Variants in PLEKHO2 observed in about 807,000 individuals in gnomAD.
PLEKHO2 encodes pleckstrin homology domain-containing family O member 2.
In PLEKHO2, 20 loss-of-function variants were observed where a neutral mutation model predicts 32.7. The observed-to-expected ratio is 0.61, with a 90% CI of 0.43 to 0.89. The LOEUF is 0.89. Ranked by LOEUF, PLEKHO2 falls within the 40% of genes least tolerant of loss-of-function variation. The probability of loss-of-function intolerance (pLI) is 0.00; values close to 1 mark genes in which losing one functional copy is unlikely to be tolerated. For synonymous variants in PLEKHO2, 247 were observed against 246.3 expected, an observed-to-expected ratio of 1.00 and a Z score of -0.03; for missense variants, 568 against 621.2, an observed-to-expected ratio of 0.91 and a Z score of 0.91.
At chr15:64,857,324 A>C (rs966025529) in intron 3 of PLEKHO2, among the ~76,000 whole-genome samples, 7 of 151,922 alleles carry the variant, frequency 4.6e-5, no homozygotes, top group South Asian at 2.1e-4. Context: ...TTTTGGGGAG[A>C]GGCACAGCTT....
intron 5 of PLEKHO2, among the ~76,000 whole-genome samples, chr15:64,862,939 CTTT>C (rs34879327): frequency 3.3e-5 from 4 of 120,096 alleles, no homozygotes; most frequent in South Asian, 2.9e-4. Context: ...CCCCCCACCT[CTTT>C]TTTTTTTTTT....
At position 64,866,569 on chromosome 15, in the gene PLEKHO2, T is replaced by G; in HGVS notation, c.*681T>G. On this transcript the variant is annotated 3_prime_UTR_variant, in exon 6 of 6. Transcript: ENST00000323544. Reference sequence around the variant, plus strand: ...AAACAAGGACATTTTCTGCAGCCCCTTCCTCTCAGTGAGCTATGATTGGAG... The same window carrying G: ...AAACAAGGACATTTTCTGCAGCCCCGTCCTCTCAGTGAGCTATGATTGGAG... 5.6e-6 allele frequency: 2 copies of G among 356,304 alleles called. No homozygotes were observed. Among genetic ancestry groups the G allele is most frequent in the Admixed American group, 7.2e-5 (2 of 27,808 alleles). 22.1% of individuals were successfully genotyped at this position (356,304 alleles called of 1,614,324 possible). A position where few individuals can be genotyped will look rare whatever the true frequency, so the allele number is the denominator to read the frequency against.
chr15:64,846,083 T>C (rs183268926), intron 1 of PLEKHO2, among the ~76,000 whole-genome samples: 1 of 152,266 alleles, frequency 6.6e-6, no homozygotes, highest in African/African-American at 2.4e-5. Context: ...GGGTTTCCCA[T>C]TTCCCTGTTC....
At chr15:64,858,395 C>A (rs950351012) in intron 3 of PLEKHO2, among the ~76,000 whole-genome samples, 1 of 152,098 alleles carries the variant, frequency 6.6e-6, no homozygotes, top group African/African-American at 2.4e-5. Flanking sequence ...CTATCTAACA[C>A]CAGGGTGGAG....
rs2084690169 is a variant in PLEKHO2 at position 64,866,592 on chromosome 15, G to A, written c.*704G>A. ...CCTTCCTCTCAGTGAGCTATGATTG[G>A]AGGGCTTAGGTCTGGAGGATTCAAG... On this transcript the variant is annotated 3_prime_UTR_variant, in exon 6 of 6. Coordinates refer to ENST00000323544, the MANE Select transcript of PLEKHO2 (RefSeq NM_025201.5). The A allele has an allele frequency of 2.8e-6, 1 of 351,956 alleles. No homozygotes were observed. The highest frequency in any genetic ancestry group is 5.6e-6 in the Non-Finnish European group (1 of 177,790). 21.8% of individuals were successfully genotyped at this position (351,956 alleles called of 1,614,324 possible).
chr15:64,845,867 TGGGTGG>T lies in PLEKHO2; in HGVS notation c.13-2724_13-2719del, dbSNP rs965757370. Among the ~76,000 whole-genome samples the T allele has an allele frequency of 9.9e-5, 15 of 152,230 alleles. 1 individual carries two copies. The highest frequency in any genetic ancestry group is 3.6e-4 in the African/African-American group (15 of 41,522). ...AGGGGTGTGAGATCCCTTGGGGTGG[TGGGTGG>T]GTCCCCTGAAAGCAAGAGGCGAGCT... On this transcript the variant is annotated intron_variant, in intron 1 of 5. Coordinates refer to ENST00000323544, the MANE Select transcript of PLEKHO2 (RefSeq NM_025201.5).
rs1325453029 is a variant in PLEKHO2, at chr15:64,860,014, T to C, written c.384+16T>C. 6 of 1,605,094 alleles carry C rather than the reference T, an allele frequency of 3.7e-6. No individual in the cohort carries two copies. Among genetic ancestry groups the C allele is most frequent in the East Asian group, 2.2e-5 (1 of 44,830 alleles). ...TTTCGATGAGGTGCGATGCAGTCTG[T>C]GGACATGGACAGCTCTGTGTCTCCT... On this transcript the variant is annotated intron_variant, in intron 4 of 5. Transcript: ENST00000323544.
Position 64,864,895 on chromosome 15 carries a change from C to T in PLEKHO2, c.484-4C>T. Reference sequence around the variant, plus strand: ...TGACACCCATATACCATCCCCCCCACCAGGTGGCCAGTGCAGCTTCTGACG... The same window carrying T: ...TGACACCCATATACCATCCCCCCCATCAGGTGGCCAGTGCAGCTTCTGACG... On this transcript the variant is annotated splice_polypyrimidine_tract_variant and splice_region_variant and intron_variant, in intron 5 of 5. Transcript: ENST00000323544. The T allele has an allele frequency of 1.3e-6, 2 of 1,582,684 alleles. No individual in the cohort carries two copies. Among genetic ancestry groups the T allele is most frequent in the Non-Finnish European group, 1.7e-6 (2 of 1,163,494 alleles).
intron 1 of PLEKHO2, among the ~76,000 whole-genome samples, chr15:64,846,696 G>A (rs928236411): frequency 2.0e-5 from 3 of 152,134 alleles, no homozygotes; most frequent in Non-Finnish European, 4.4e-5. Context: ...CCCAAGGTGG[G>A]ACCCCACATT....
Position 64,867,492 on chromosome 15 carries a change from C to T in PLEKHO2, c.*1604C>T, listed in dbSNP as rs1330191541. 2 of 152,408 alleles carry T rather than the reference C, an allele frequency of 1.3e-5. No individual in the cohort carries two copies. The highest frequency in any genetic ancestry group is 3.9e-4 in the East Asian group (2 of 5,180). 9.4% of individuals were successfully genotyped at this position (152,408 alleles called of 1,614,324 possible). A position where few individuals can be genotyped will look rare whatever the true frequency, so the allele number is the denominator to read the frequency against. Reference sequence around the variant, plus strand: ...CACAGTCTGGCTTTCCCTCCATCTGCCCCAGGACAAGAGCAAGAAGGACAT... The same window carrying T: ...CACAGTCTGGCTTTCCCTCCATCTGTCCCAGGACAAGAGCAAGAAGGACAT... On this transcript the variant is annotated 3_prime_UTR_variant, in exon 6 of 6. Coordinates refer to ENST00000323544, the MANE Select transcript of PLEKHO2 (RefSeq NM_025201.5).
Position 64,865,156 on chromosome 15 carries a change from C to T in PLEKHO2, c.741C>T (p.Asp247=). The part of the protein sequence containing the change: ...SSEVSPESQE[D]SETPAEEDSG... ...AGGTCTCCCCTGAGAGCCAAGAGGA[C>T]TCAGAGACCCCAGCAGAGGAGGACA... Residue 247 remains aspartate, a synonymous_variant, in exon 6 of 6, where the codon GAC becomes GAT. Transcript: ENST00000323544. 1 of 1,614,148 alleles carries T rather than the reference C, an allele frequency of 6.2e-7. No homozygotes were observed. Among genetic ancestry groups the T allele is most frequent in the Admixed American group, 1.7e-5 (1 of 60,022 alleles).
intron 1 of PLEKHO2, among the ~76,000 whole-genome samples, chr15:64,846,793 C>A (rs1437520268): frequency 1.3e-5 from 2 of 152,136 alleles, no homozygotes. Flanking sequence ...GGAGAGGGTC[C>A]CTGAGAGCCA....
intron 3 of PLEKHO2, 44 bp from the exon 4 acceptor site, chr15:64,859,849 GC>G: frequency 6.5e-7 from 1 of 1,529,710 alleles, no homozygotes; most frequent in South Asian, 1.1e-5. Context: ...CCAAATGTGA[GC>G]TTTGTTAAAC....
intron 1 of PLEKHO2, among the ~76,000 whole-genome samples, chr15:64,846,991 G>A (rs983051081): frequency 2.0e-5 from 3 of 152,222 alleles, no homozygotes; most frequent in Non-Finnish European, 2.9e-5. Flanking sequence ...TCCTGCCCTC[G>A]TGGAGTTGGA....
rs748549184 is a variant in PLEKHO2, at chr15:64,863,221, C to T, written c.483+1646C>T. 5.8e-4 allele frequency among the ~76,000 whole-genome samples: 89 copies of T among 152,272 alleles called. 2 individuals are homozygous for T. The highest frequency in any genetic ancestry group is 4.4e-4 in the Non-Finnish European group (30 of 68,018). On this transcript the variant is annotated intron_variant, in intron 5 of 5. Coordinates refer to ENST00000323544, the MANE Select transcript of PLEKHO2 (RefSeq NM_025201.5). The stretch of plus-strand genomic sequence containing the variant: ...AAAGTGCTGGGATTACAGGCGTGAG[C>T]CACCGCGCCTGGCCTTGCAGCGTAT...
chr15:64,865,892 C>G lies in PLEKHO2; in HGVS notation c.*4C>G. On this transcript the variant is annotated 3_prime_UTR_variant, in exon 6 of 6. Transcript: ENST00000323544. ...CTACAGGAGAAGTGCACCCTAGGGC[C>G]TTCTGGGCCAGAGGCACCATCCCTT... 2 of 1,594,744 alleles carry G rather than the reference C, an allele frequency of 1.3e-6. No homozygotes were observed. Among genetic ancestry groups the G allele is most frequent in the African/African-American group, 1.3e-5 (1 of 74,810 alleles).
At chr15:64,851,311 T>A (rs2084566806) in intron 2 of PLEKHO2, among the ~76,000 whole-genome samples, 1 of 152,174 alleles carries the variant, frequency 6.6e-6, no homozygotes, top group Admixed American at 6.5e-5. Flanking sequence ...CCATGAGATT[T>A]AAGTAACAGG....
At chr15:64,864,473 G>T (rs1172947172) in intron 5 of PLEKHO2, among the ~76,000 whole-genome samples, 1 of 152,202 alleles carries the variant, frequency 6.6e-6, no homozygotes, top group Non-Finnish European at 1.5e-5. Context: ...CTGGTTGTGG[G>T]GACCCTGGGT....
chr15:64,861,592 T>C lies in PLEKHO2; in HGVS notation c.483+17T>C. ...CTGAAGGAGGTAGGGCCTTACCCAG[T>C]GTGGATGTTGGGGTTAGTTGAGCCT... On this transcript the variant is annotated intron_variant, in intron 5 of 5. Coordinates refer to ENST00000323544, the MANE Select transcript of PLEKHO2 (RefSeq NM_025201.5). 2 of 1,564,216 alleles carry C rather than the reference T, an allele frequency of 1.3e-6. No individual in the cohort carries two copies. Among genetic ancestry groups the C allele is most frequent in the African/African-American group, 1.4e-5 (1 of 73,646 alleles).
Sources: gnomAD v4.1 joint callset for allele counts (sites outside exome capture counted in the v4.1 genomes callset) on GRCh38, gnomAD v4.1.1 for gene constraint, MANE v1.5 for transcripts, NCBI Gene and HGNC (gene_info 2026-07-23, HGNC 2026-07-21) for gene names.